LRRC4C: variants seen among roughly 807,000 people sequenced by gnomAD.
LRRC4C encodes the protein leucine-rich repeat-containing protein 4C.
LRRC4C carries 5 observed loss-of-function variants against 33.6 expected under a neutral mutation model. The ratio of observed to expected loss-of-function variants is 0.15; its 90% confidence interval spans 0.08 to 0.31. The LOEUF (loss-of-function observed/expected upper bound fraction) is 0.31. LRRC4C is among the 10% of genes least tolerant of loss of function. The probability of loss-of-function intolerance (pLI) is 1.00; values close to 1 mark genes in which losing one functional copy is unlikely to be tolerated. For synonymous variants in LRRC4C, 329 were observed against 302.0 expected (o/e 1.09, Z -0.93); for missense variants, 560 against 796.7 (o/e 0.70, Z 3.58).
chr11:40,188,550 ATTG>A (rs1230962591), intron 5 of LRRC4C, among the ~76,000 whole-genome samples: 1 of 152,152 alleles, frequency 6.6e-6, no homozygotes, highest in Non-Finnish European at 1.5e-5. Context: ...GCATACTTTC[ATTG>A]TTATCATTTT....
intron 3 of LRRC4C, among the ~76,000 whole-genome samples, chr11:40,530,990 T>C (rs79819601): frequency 0.021 from 3,141 of 152,222 alleles, 117 homozygotes; most frequent in African/African-American, 0.071. Context: ...TAATAATATC[T>C]AGTGGATAAA....
intron 1 of LRRC4C, among the ~76,000 whole-genome samples, chr11:40,943,765 G>A (rs1958261356): frequency 6.6e-6 from 1 of 152,118 alleles, no homozygotes; most frequent in African/African-American, 2.4e-5. Flanking sequence ...TTCTTATGTG[G>A]AATACATTCA....
intron 1 of LRRC4C, among the ~76,000 whole-genome samples, chr11:41,318,400 C>T (rs955393203): frequency 1.3e-5 from 2 of 152,214 alleles, no homozygotes; most frequent in Non-Finnish European, 2.9e-5. Flanking sequence ...AGAAATACAA[C>T]AAATTCTACT....
At chr11:41,145,213 T>G (rs1003478595) in intron 1 of LRRC4C, among the ~76,000 whole-genome samples, 77 of 152,304 alleles carry the variant, frequency 5.1e-4, no homozygotes, top group Non-Finnish European at 1.9e-4. Flanking sequence ...ACTTATACAC[T>G]TTTGTCAATT....
At chr11:41,405,356 G>A (rs1954191237) in intron 1 of LRRC4C, among the ~76,000 whole-genome samples, 1 of 151,990 alleles carries the variant, frequency 6.6e-6, no homozygotes, top group Non-Finnish European at 1.5e-5. Context: ...ACCCTTTCCA[G>A]AAAGTTTCTT....
chr11:40,121,416 A>G (rs1238437532), intron 6 of LRRC4C, among the ~76,000 whole-genome samples: 1 of 152,230 alleles, frequency 6.6e-6, no homozygotes, highest in African/African-American at 2.4e-5. Context: ...ACTACTATCA[A>G]CAAAAGGTTT....
chr11:41,097,781 G>T (rs1940906409), intron 1 of LRRC4C, among the ~76,000 whole-genome samples: 1 of 151,944 alleles, frequency 6.6e-6, no homozygotes, highest in Non-Finnish European at 1.5e-5. Context: ...CCCAAAGATG[G>T]CTTGAACAAA....
intron 3 of LRRC4C, among the ~76,000 whole-genome samples, chr11:40,515,143 A>G (rs1955511868): frequency 6.6e-6 from 1 of 152,158 alleles, no homozygotes; most frequent in African/African-American, 2.4e-5. Context: ...TTTAGAGTCT[A>G]AGTTCCACAG....
At chr11:40,255,210 A>G (rs1867108651) in intron 4 of LRRC4C, among the ~76,000 whole-genome samples, 1 of 152,136 alleles carries the variant, frequency 6.6e-6, no homozygotes, top group Non-Finnish European at 1.5e-5. Context: ...CCTGTGGAAA[A>G]GCAAGATCTC....
At chr11:40,774,525 A>G (rs1949899163) in intron 2 of LRRC4C, among the ~76,000 whole-genome samples, 1 of 152,132 alleles carries the variant, frequency 6.6e-6, no homozygotes, top group Non-Finnish European at 1.5e-5. Context: ...TGGAGGAAAT[A>G]CTTTCTAATC....
intron 2 of LRRC4C, among the ~76,000 whole-genome samples, chr11:40,734,165 A>G (rs1015328944): frequency 6.6e-6 from 1 of 152,178 alleles, no homozygotes. Context: ...GCTTTTTAAA[A>G]AAATATAGGG....
chr11:41,325,379 A>G (rs1041814774), intron 1 of LRRC4C, among the ~76,000 whole-genome samples: 1 of 152,154 alleles, frequency 6.6e-6, no homozygotes, highest in Non-Finnish European at 1.5e-5. Context: ...GAAGTTGCTA[A>G]GGAATTCTAA....
At chr11:40,399,450 G>A (rs898265377) in intron 3 of LRRC4C, among the ~76,000 whole-genome samples, 3 of 151,540 alleles carry the variant, frequency 2.0e-5, no homozygotes, top group Admixed American at 6.6e-5. Context: ...ACCAAACACC[G>A]CATGTTCTCA....
At chr11:40,982,050 A>G (rs1852583057) in intron 1 of LRRC4C, among the ~76,000 whole-genome samples, 2 of 152,180 alleles carry the variant, frequency 1.3e-5, no homozygotes, top group South Asian at 2.1e-4. Flanking sequence ...TAAATTCCCC[A>G]TGACTAACTT....
chr11:40,388,520 T>C (rs1949206323), intron 3 of LRRC4C, among the ~76,000 whole-genome samples: 1 of 152,146 alleles, frequency 6.6e-6, no homozygotes, highest in South Asian at 2.1e-4. Flanking sequence ...TTACAGGGGA[T>C]GCTAAACATC....
At chr11:40,509,818 G>A (rs942558205) in intron 3 of LRRC4C, among the ~76,000 whole-genome samples, 7 of 152,186 alleles carry the variant, frequency 4.6e-5, no homozygotes, top group African/African-American at 1.4e-4. Flanking sequence ...TATATTTTGT[G>A]TGTACTGAGT....
intron 1 of LRRC4C, among the ~76,000 whole-genome samples, chr11:41,215,127 A>T (rs1057106885): frequency 1.3e-5 from 2 of 150,996 alleles, no homozygotes; most frequent in Non-Finnish European, 2.9e-5. Context: ...GTTTTTAGTA[A>T]CTTTACAGAA....
intron 3 of LRRC4C, among the ~76,000 whole-genome samples, chr11:40,400,283 CTCCCTTCAAGA>C (rs1328281395): frequency 6.6e-6 from 1 of 152,096 alleles, no homozygotes; most frequent in Non-Finnish European, 1.5e-5. Flanking sequence ...AGAGAGAGCT[CTCCCTTCAAGA>C]TCCAAATTAA....
intron 1 of LRRC4C, among the ~76,000 whole-genome samples, chr11:41,043,354 T>C (rs2138014495): frequency 6.6e-6 from 1 of 152,240 alleles, no homozygotes; most frequent in Non-Finnish European, 1.5e-5. Flanking sequence ...TTCCTTGTCC[T>C]CTCAGATGCT....
Sources: allele counts gnomAD v4.1 joint callset (sites outside exome capture counted in the v4.1 genomes callset), GRCh38; gene constraint gnomAD v4.1.1; transcripts MANE v1.5; gene names NCBI Gene and HGNC (gene_info 2026-07-23, HGNC 2026-07-21).